The following CYB5R1 variants were observed in gnomAD, a reference collection of about 807,000 sequenced individuals.
CYB5R1 encodes the protein NADH-cytochrome b5 reductase 1.
Under a neutral mutation model 37.4 loss-of-function variants are expected in CYB5R1, and 32 were observed. The ratio of observed to expected loss-of-function variants is 0.86; its 90% CI spans 0.65 to 1.15. The LOEUF (loss-of-function observed/expected upper bound fraction) is 1.15, where lower values mean the gene tolerates loss of function less well. Among genes scored for constraint, CYB5R1 ranks in the 50% most tolerant of loss-of-function variants. CYB5R1 has a pLI of 0.00. For missense variants in CYB5R1, 345 were observed against 382.5 expected (o/e 0.90, Z 0.82); for synonymous variants, 159 against 155.2 (o/e 1.02, Z -0.18).
chr1:202,962,874 A>G, intron 8 of CYB5R1, 175 bp from the exon 9 acceptor site: 1 of 955,014 alleles, frequency 1.0e-6, no homozygotes. Flanking sequence ...CAGCACCGCC[A>G]TCCCTGTCAC....
intron 4 of CYB5R1, 108 bp downstream of exon 4, chr1:202,965,779 C>T (rs1655078863): frequency 1.2e-6 from 1 of 820,452 alleles, no homozygotes; most frequent in African/African-American, 1.7e-5. Context: ...ACTTTCTTCA[C>T]ATCCACAGAG....
At position 202,965,239 on chromosome 1, in the gene CYB5R1, G is replaced by A. The variant is rs144814482; in HGVS notation, c.475+132C>T. The A allele has an allele frequency of 1.1e-5, 11 of 1,042,140 alleles. No individual in the cohort carries two copies. The African/African-American group carries it at 1.2e-4, about 11-fold the overall frequency. 64.6% of individuals were successfully genotyped at this position (1,042,140 alleles called of 1,614,324 possible). Reference sequence around the variant, plus strand: ...AAACATGCCTTTCTATTGTATCAGCGCTATGTTTAGAAGGAAGGGCGGCCC... The same window carrying A: ...AAACATGCCTTTCTATTGTATCAGCACTATGTTTAGAAGGAAGGGCGGCCC... On this transcript the variant is annotated intron_variant, in intron 5 of 8. Transcript: ENST00000367249.
Position 202,965,419 on chromosome 1 carries a change from C to A in CYB5R1, c.427G>T (p.Val143Leu), listed in dbSNP as rs767132971. 10 of 1,607,478 alleles carry A rather than the reference C, an allele frequency of 6.2e-6. No individual in the cohort carries two copies. The South Asian group carries it at 1.1e-4, about 18-fold the overall frequency. The change falls in exon 5 of 9, where the codon GTG becomes TTG. Residue 143 changes from valine to leucine, a missense_variant. Physicochemically the swap from Val to Leu is conservative, Grantham distance 32 (BLOSUM62 1). Transcript: ENST00000367249. Reference sequence around the variant, plus strand: ...CCGCTTGGCCCCCGAAACTCCACCACATCCCCAACCTTCAGGCTATCCAGG... The same window carrying A: ...CCGCTTGGCCCCCGAAACTCCACCAAATCCCCAACCTTCAGGCTATCCAGG... ...QYLDSLKVGD[V>L]VEFRGPSGLL...
intron 7 of CYB5R1, 90 bp from the exon 8 acceptor site, chr1:202,963,255 A>C: frequency 1.1e-6 from 1 of 914,192 alleles, no homozygotes; most frequent in South Asian, 1.6e-5. Context: ...ACTAAGAAAA[A>C]GAATGTTAAG....
intron 4 of CYB5R1, 29 bp downstream of exon 4, chr1:202,965,858 A>G (rs1240836215): frequency 6.9e-7 from 1 of 1,448,258 alleles, no homozygotes; most frequent in Non-Finnish European, 9.7e-7. Flanking sequence ...ATGGGTAAGC[A>G]GCCCCTGGGT....
At chr1:202,963,574 A>G (rs1325018747) in intron 7 of CYB5R1, 68 bp downstream of exon 7, 1 of 1,226,706 alleles carries the variant, frequency 8.2e-7, no homozygotes, top group East Asian at 2.6e-5. Flanking sequence ...CTGCCCATCC[A>G]TACCACGTCT....
chr1:202,964,783 GGCCA>G, intron 5 of CYB5R1, 88 bp from the exon 6 acceptor site: 1 of 939,152 alleles, frequency 1.1e-6, no homozygotes, highest in East Asian at 2.4e-5. Flanking sequence ...ATATGCCTGA[GGCCA>G]GTTGAGCAGC....
At chr1:202,963,762 C>T (rs761016232) in intron 6 of CYB5R1, 35 bp from the exon 7 acceptor site, 2 of 1,499,838 alleles carry the variant, frequency 1.3e-6, no homozygotes, top group Non-Finnish European at 1.8e-6. Context: ...AATGTAGTGG[C>T]CACACTCTCT....
Position 202,962,326 on chromosome 1 carries a change from G to A in CYB5R1, c.*201C>T. 1 of 605,476 alleles carries A rather than the reference G, an allele frequency of 1.7e-6. No individual in the cohort carries two copies. Among genetic ancestry groups the A allele is most frequent in the Non-Finnish European group, 2.7e-6 (1 of 365,300 alleles). 37.5% of individuals were successfully genotyped at this position (605,476 alleles called of 1,614,324 possible). A position where few individuals can be genotyped will look rare whatever the true frequency, so the allele number is the denominator to read the frequency against. On this transcript the variant is annotated 3_prime_UTR_variant, in exon 9 of 9. Coordinates refer to ENST00000367249, the MANE Select transcript of CYB5R1 (RefSeq NM_016243.3). The stretch of plus-strand genomic sequence containing the variant: ...GGACCTGTTGCCACGGGGAGATTTA[G>A]GAGGCCATCCAAGGAGTGACTGAGC...
chr1:202,965,294 C>T, intron 5 of CYB5R1, 77 bp downstream of exon 5: 1 of 1,464,792 alleles, frequency 6.8e-7, no homozygotes, highest in African/African-American at 1.4e-5. Context: ...CATGTGTACA[C>T]ACAGCCATAC....
intron 8 of CYB5R1, 89 bp from the exon 9 acceptor site, chr1:202,962,788 A>C (rs1655017997): frequency 6.7e-7 from 1 of 1,489,880 alleles, no homozygotes; most frequent in East Asian, 2.4e-5. Context: ...GGGCCCTGAA[A>C]GGCTCTGGAG....
At position 202,963,628 on chromosome 1, in the gene CYB5R1, GA is replaced by G; in HGVS notation, c.645+13del. 1 of 1,589,202 alleles carries G rather than the reference GA, an allele frequency of 6.3e-7. No individual in the cohort carries two copies. Among genetic ancestry groups the G allele is most frequent in the South Asian group, 1.1e-5 (1 of 88,034 alleles). On this transcript the variant is annotated intron_variant, in intron 7 of 8. Transcript: ENST00000367249. ...GCAACTTTGAAGTCTTAGGGTGGAG[GA>G]AAACAAACCAACCTGGTTGGCAAAA...
At position 202,966,899 on chromosome 1, in the gene CYB5R1, C is replaced by G; in HGVS notation, c.16-1G>C. 1 of 1,605,472 alleles carries G rather than the reference C, an allele frequency of 6.2e-7. No homozygotes were observed. Among genetic ancestry groups the G allele is most frequent in the Non-Finnish European group, 8.5e-7 (1 of 1,176,140 alleles). On this transcript the variant is annotated splice_acceptor_variant, in intron 1 of 8. Coordinates refer to ENST00000367249, the MANE Select transcript of CYB5R1 (RefSeq NM_016243.3). LOFTEE classifies it high-confidence loss of function. ...CCAGGGAGGCCAGCAGGACGGGGCT[C>G]TGTGGGTAGAGGAGGCAGCGTGACC...
At chr1:202,965,300 C>A in intron 5 of CYB5R1, 71 bp downstream of exon 5, 1 of 1,488,590 alleles carries the variant, frequency 6.7e-7, no homozygotes, top group Non-Finnish European at 8.9e-7. Flanking sequence ...TACACACAGC[C>A]ATACTGTGCC....
intron 7 of CYB5R1, 77 bp downstream of exon 7, chr1:202,963,565 T>G: frequency 9.1e-7 from 1 of 1,097,592 alleles, no homozygotes; most frequent in South Asian, 1.5e-5. Flanking sequence ...GGGCCAGTTC[T>G]GCCCATCCAT....
intron 5 of CYB5R1, chr1:202,965,157 C>A: frequency 1.7e-6 from 1 of 572,370 alleles, no homozygotes; most frequent in South Asian, 2.6e-5. Context: ...CCACAGCTGC[C>A]ATGGCTAGGG....
In CYB5R1 at chr1:202,963,705, C is replaced by G; in HGVS notation, c.582G>C (p.Leu194=). ...CAGGGACTTTCAGGATGGCCCGGATCAGCTGTAGCATTGGGGTGATTCCTG... is the reference window on the plus strand; with the variant it reads ...CAGGGACTTTCAGGATGGCCCGGATGAGCTGTAGCATTGGGGTGATTCCTG... The part of the protein sequence containing the change: ...GGTGITPMLQ[L]IRAILKVPED... Residue 194 remains leucine (L), a synonymous_variant, in exon 7 of 9, where the codon CTG becomes CTC. Transcript: ENST00000367249. 6.2e-7 allele frequency: 1 copy of G among 1,609,712 alleles called. No individual in the cohort carries two copies. Among genetic ancestry groups the G allele is most frequent in the African/African-American group, 1.3e-5 (1 of 74,914 alleles).
At position 202,962,508 on chromosome 1, in the gene CYB5R1, C is replaced by A; in HGVS notation, c.*19G>T. On this transcript the variant is annotated 3_prime_UTR_variant, in exon 9 of 9. Transcript: ENST00000367249. ...GGGGAACAACTGCAGCGAACAGCAC[C>A]AGGGAAGCTGGAGGATGCTCAGTAG... 6.3e-7 allele frequency: 1 copy of A among 1,591,582 alleles called. No homozygotes were observed. Among genetic ancestry groups the A allele is most frequent in the South Asian group, 1.1e-5 (1 of 88,264 alleles).
rs1654997380 is a variant in CYB5R1 at position 202,962,009 on chromosome 1, T to C, written c.*518A>G. 6.6e-6 allele frequency: 1 copy of C among 152,330 alleles called. No individual in the cohort carries two copies. The highest frequency in any genetic ancestry group is 6.5e-5 in the Admixed American group (1 of 15,290). The allele number at this position is 152,330 out of a possible 1,614,324, so 9.4% of individuals were successfully genotyped here. A position where few individuals can be genotyped will look rare whatever the true frequency, so the allele number is the denominator to read the frequency against. On this transcript the variant is annotated 3_prime_UTR_variant, in exon 9 of 9. Coordinates refer to ENST00000367249, the MANE Select transcript of CYB5R1 (RefSeq NM_016243.3). ...GCTGAGAGAGACACACACAGAAATA[T>C]GATATTTCAGACTCCTTTGAGATCT...
Sources: gnomAD v4.1 joint callset for allele counts on GRCh38, gnomAD v4.1.1 for gene constraint, MANE v1.5 for transcripts, NCBI Gene and HGNC (gene_info 2026-07-23, HGNC 2026-07-21) for gene names.